RFTN1: variants seen among roughly 807,000 people sequenced by gnomAD.
RFTN1 encodes raftlin, lipid raft linker 1.
A neutral mutation model predicts 46.5 loss-of-function variants in RFTN1; 26 were observed. The ratio of observed to expected loss-of-function variants is 0.56; its 90% confidence interval spans 0.41 to 0.78. The LOEUF (loss-of-function observed/expected upper bound fraction) is 0.78. Ranked by LOEUF, RFTN1 falls within the 30% of genes least tolerant of loss-of-function variation. The probability of loss-of-function intolerance (pLI) is 0.00; values close to 1 mark genes in which losing one functional copy is unlikely to be tolerated. For missense variants in RFTN1, 693 were observed against 718.7 expected (o/e 0.96, Z 0.41); for synonymous variants, 261 against 284.2 (o/e 0.92, Z 0.82).
intron 8 of RFTN1, among the ~76,000 whole-genome samples, 186 bp downstream of exon 8, chr3:16,326,587 T>G (rs2069716201): frequency 6.6e-6 from 1 of 151,730 alleles, no homozygotes. Flanking sequence ...TGCAGGGGAG[T>G]TCTCTGGGTG....
In RFTN1 at chr3:16,479,766, G is replaced by T. The variant is rs1290686663; in HGVS notation, c.145+13959C>A. ...AGGTACCTTTTCCAAGCTGCAGTTT[G>T]GTTGGTGGGTCCAAAGATTAGATTT... On this transcript the variant is annotated intron_variant, in intron 2 of 9. Coordinates refer to ENST00000334133, the MANE Select transcript of RFTN1 (RefSeq NM_015150.2). This position sits in a 1 kb window ranked among gnomAD's most constrained non-coding sequence, Gnocchi z 5.1. Among the ~76,000 whole-genome samples the T allele has an allele frequency of 6.6e-6, 1 of 152,220 alleles. No individual in the cohort carries two copies. The highest frequency in any genetic ancestry group is 2.4e-5 in the African/African-American group (1 of 41,452).
rs2070056215 is a variant in RFTN1 at position 16,329,309 on chromosome 3, C to G, written c.1147-2433G>C. Reference sequence around the variant, plus strand: ...CCTGATCTCAGGTATCCTGTTACAACAGCACAAGTGGACCGAGACAGGGCG... The same window carrying G: ...CCTGATCTCAGGTATCCTGTTACAAGAGCACAAGTGGACCGAGACAGGGCG... On this transcript the variant is annotated intron_variant, in intron 7 of 9. Transcript: ENST00000334133. This position sits in a 1 kb window ranked among gnomAD's most constrained non-coding sequence, Gnocchi z 4.5. Among the ~76,000 whole-genome samples the G allele has an allele frequency of 6.6e-6, 1 of 151,984 alleles. No homozygotes were observed.
At chr3:16,386,756 T>C (rs1247208429) in intron 4 of RFTN1, among the ~76,000 whole-genome samples, 1 of 151,736 alleles carries the variant, frequency 6.6e-6, no homozygotes, top group Non-Finnish European at 1.5e-5. Context: ...TGGATCGAGG[T>C]GGGGGTTGGT....
rs139929006 is a variant in RFTN1 at position 16,426,532 on chromosome 3, T to C, written c.332+7319A>G. Among the ~76,000 whole-genome samples the C allele has an allele frequency of 6.6e-6, 1 of 152,336 alleles. No individual in the cohort carries two copies. Reference sequence around the variant, plus strand: ...TAACATAATGCATTTGTACTTCACTTATGGTCCGCAAAGATTTCCTTTCTT... The same window carrying C: ...TAACATAATGCATTTGTACTTCACTCATGGTCCGCAAAGATTTCCTTTCTT... On this transcript the variant is annotated intron_variant, in intron 3 of 9. Coordinates refer to ENST00000334133, the MANE Select transcript of RFTN1 (RefSeq NM_015150.2). The surrounding 1 kb of genome is among the most constrained non-coding windows in gnomAD (Gnocchi z 5.9).
chr3:16,377,427 A>G (rs1308342529), intron 5 of RFTN1, among the ~76,000 whole-genome samples: 2 of 152,212 alleles, frequency 1.3e-5, no homozygotes, highest in African/African-American at 4.8e-5. Context: ...GGCAATTTCG[A>G]GAGCACAGGA....
chr3:16,448,400 A>G lies in RFTN1; in HGVS notation c.146-14363T>C, dbSNP rs1232528631. Among the ~76,000 whole-genome samples the G allele has an allele frequency of 1.3e-5, 2 of 152,194 alleles. No individual in the cohort carries two copies. Among genetic ancestry groups the G allele is most frequent in the East Asian group, 1.9e-4 (1 of 5,202 alleles). ...CTTGTTGACTTTTATGGAGGTGCCA[A>G]TTTAATTCCTTTTTCAACATTCTTT... On this transcript the variant is annotated intron_variant, in intron 2 of 9. Coordinates refer to ENST00000334133, the MANE Select transcript of RFTN1 (RefSeq NM_015150.2). The surrounding 1 kb of genome is among the most constrained non-coding windows in gnomAD (Gnocchi z 4.1).
chr3:16,355,181 G>A (rs929257881), intron 7 of RFTN1, among the ~76,000 whole-genome samples: 4 of 152,172 alleles, frequency 2.6e-5, no homozygotes, highest in African/African-American at 7.2e-5. Context: ...TAGCCTGTAT[G>A]TCCAAACTCT....
At chr3:16,462,231 A>G (rs539838011) in intron 2 of RFTN1, among the ~76,000 whole-genome samples, 1 of 152,338 alleles carries the variant, frequency 6.6e-6, no homozygotes, top group South Asian at 2.1e-4. Flanking sequence ...AACAAGGATT[A>G]AATGAGACAA....
intron 6 of RFTN1, among the ~76,000 whole-genome samples, chr3:16,364,529 G>T (rs941042339): frequency 6.6e-6 from 1 of 152,056 alleles, no homozygotes; most frequent in African/African-American, 2.4e-5. Context: ...GGTGTTTTCT[G>T]ACCACTGCAC....
At chr3:16,366,549 A>G (rs375199138) in intron 6 of RFTN1, among the ~76,000 whole-genome samples, 150 of 151,016 alleles carry the variant, frequency 9.9e-4, no homozygotes, top group African/African-American at 3.4e-3. Flanking sequence ...GGGGGCCACA[A>G]CTCCTGCCAG....
At position 16,373,104 on chromosome 3, in the gene RFTN1, C is replaced by T. The variant is rs113115995; in HGVS notation, c.827-2825G>A. Among the ~76,000 whole-genome samples, 1,176 of 152,304 alleles carry T rather than the reference C, an allele frequency of 7.7e-3. 4 individuals are homozygous for T. Among genetic ancestry groups the T allele is most frequent in the Non-Finnish European group, 0.011 (747 of 68,028 alleles). On this transcript the variant is annotated intron_variant, in intron 5 of 9. Coordinates refer to ENST00000334133, the MANE Select transcript of RFTN1 (RefSeq NM_015150.2). ...CCAAAGATTCCAAAAAGAAGCCCCA[C>T]GTTTGTTTAAATTTTCTCAGCTGCT... is the stretch of plus-strand genomic sequence containing the variant.
Position 16,426,777 on chromosome 3 carries a change from AAGACAGATCT to A in RFTN1, c.332+7064_332+7073del, listed in dbSNP as rs2075297796. 6.6e-6 allele frequency among the ~76,000 whole-genome samples: 1 copy of A among 151,986 alleles called. No individual in the cohort carries two copies. Among genetic ancestry groups the A allele is most frequent in the Non-Finnish European group, 1.5e-5 (1 of 68,006 alleles). ...TTGGTACTGATAAATACGTAAACCA[AAGACAGATCT>A]ATCTCATAATGAATTTATGGTCCTT... On this transcript the variant is annotated intron_variant, in intron 3 of 9. Transcript: ENST00000334133. The surrounding 1 kb of genome is among the most constrained non-coding windows in gnomAD (Gnocchi z 5.9).
rs1325974693 is a variant in RFTN1 at position 16,410,099 on chromosome 3, C to T, written c.333-616G>A. ...ACTGATGAAAAATGGTTTATGGAAA[C>T]TACTCAAGTAATATATACATATCCA... On this transcript the variant is annotated intron_variant, in intron 3 of 9. Coordinates refer to ENST00000334133, the MANE Select transcript of RFTN1 (RefSeq NM_015150.2). This position sits in a 1 kb window ranked among gnomAD's most constrained non-coding sequence, Gnocchi z 4.6. Among the ~76,000 whole-genome samples the T allele has an allele frequency of 6.6e-6, 1 of 151,568 alleles. No homozygotes were observed. Among genetic ancestry groups the T allele is most frequent in the Non-Finnish European group, 1.5e-5 (1 of 67,972 alleles).
At position 16,440,166 on chromosome 3, in the gene RFTN1, C is replaced by G. The variant is rs1244726798; in HGVS notation, c.146-6129G>C. Among the ~76,000 whole-genome samples, 3 of 152,308 alleles carry G rather than the reference C, an allele frequency of 2.0e-5. No individual in the cohort carries two copies. Among genetic ancestry groups the G allele is most frequent in the Admixed American group, 2.0e-4 (3 of 15,302 alleles). On this transcript the variant is annotated intron_variant, in intron 2 of 9. Transcript: ENST00000334133. The surrounding 1 kb of genome is among the most constrained non-coding windows in gnomAD (Gnocchi z 4.6). ...GCCGCTGCCGCGAGGGCTGATCACACTTTTTCTCCACTTTCTAATCTGTCA... is the reference window on the plus strand; with the variant it reads ...GCCGCTGCCGCGAGGGCTGATCACAGTTTTTCTCCACTTTCTAATCTGTCA...
In RFTN1 at chr3:16,504,367, TTTCAG is replaced by T. The variant is rs1331471395; in HGVS notation, c.-9+9070_-9+9074del. On this transcript the variant is annotated intron_variant, in intron 1 of 9. Coordinates refer to ENST00000334133, the MANE Select transcript of RFTN1 (RefSeq NM_015150.2). This position sits in a 1 kb window ranked among gnomAD's most constrained non-coding sequence, Gnocchi z 4.4. ...CCACACTGAACACCACCACCCTCAT[TTTCAG>T]TTCCACACTGATTTTCTTAGCAACT... is the stretch of plus-strand genomic sequence containing the variant. 2.0e-5 allele frequency among the ~76,000 whole-genome samples: 3 copies of T among 152,140 alleles called. No homozygotes were observed. Among genetic ancestry groups the T allele is most frequent in the Non-Finnish European group, 4.4e-5 (3 of 68,032 alleles).
chr3:16,353,532 A>G lies in RFTN1; in HGVS notation c.1146+4400T>C, dbSNP rs2072229924. Among the ~76,000 whole-genome samples the G allele has an allele frequency of 6.6e-6, 1 of 152,130 alleles. No individual in the cohort carries two copies. The highest frequency in any genetic ancestry group is 2.4e-5 in the African/African-American group (1 of 41,432). On this transcript the variant is annotated intron_variant, in intron 7 of 9. Transcript: ENST00000334133. The surrounding 1 kb of genome is among the most constrained non-coding windows in gnomAD (Gnocchi z 5.4). ...GCAGCTCACTTGAAAATGTTTTAGA[A>G]ATGAAAATTCTTGGGCCCCATCTCA...
rs1309313446 is a variant in RFTN1 at position 16,407,795 on chromosome 3, C to T, written c.441+1580G>A. On this transcript the variant is annotated intron_variant, in intron 4 of 9. Coordinates refer to ENST00000334133, the MANE Select transcript of RFTN1 (RefSeq NM_015150.2). The surrounding 1 kb of genome is among the most constrained non-coding windows in gnomAD (Gnocchi z 4.0). Reference sequence around the variant, plus strand: ...TGTGAACAAAAGCTACTTCCCCCCTCCCCCATTTCTTAAATAATAATCTGA... The same window carrying T: ...TGTGAACAAAAGCTACTTCCCCCCTTCCCCATTTCTTAAATAATAATCTGA... Among the ~76,000 whole-genome samples, 1 of 152,146 alleles carries T rather than the reference C, an allele frequency of 6.6e-6. No individual in the cohort carries two copies. The highest frequency in any genetic ancestry group is 2.4e-5 in the African/African-American group (1 of 41,410).
Position 16,361,386 on chromosome 3 carries a change from C to G in RFTN1, c.1031-3339G>C, listed in dbSNP as rs1575125188. Among the ~76,000 whole-genome samples the G allele has an allele frequency of 6.6e-6, 1 of 152,146 alleles. No individual in the cohort carries two copies. The highest frequency in any genetic ancestry group is 2.4e-5 in the African/African-American group (1 of 41,440). ...AAGTCCCTGCCTACATGAAGCTTAC[C>G]TTGCAGTGGAGGAGGAAGACAATAA... On this transcript the variant is annotated intron_variant, in intron 6 of 9. Coordinates refer to ENST00000334133, the MANE Select transcript of RFTN1 (RefSeq NM_015150.2). The surrounding 1 kb of genome is among the most constrained non-coding windows in gnomAD (Gnocchi z 4.3).
At chr3:16,318,486 G>A (rs55977707) in intron 9 of RFTN1, among the ~76,000 whole-genome samples, 23,269 of 151,982 alleles carry the variant, frequency 0.15, 1,842 homozygotes, top group African/African-American at 0.19. Flanking sequence ...GCTTTGCTAG[G>A]AAAAACCAAA....
Sources: allele counts gnomAD v4.1 joint callset (sites outside exome capture counted in the v4.1 genomes callset), GRCh38; gene constraint gnomAD v4.1.1; non-coding constraint Gnocchi (gnomAD v3.1); transcripts MANE v1.5; gene names NCBI Gene and HGNC (gene_info 2026-07-23, HGNC 2026-07-21).